Variants in YKT6 observed in about 807,000 individuals in gnomAD.
YKT6 encodes the protein synaptobrevin homolog YKT6.
YKT6 carries 12 observed loss-of-function variants against 29.3 expected under a neutral mutation model. That is an observed-to-expected ratio of 0.41 (90% CI 0.26 to 0.66). The LOEUF (loss-of-function observed/expected upper bound fraction) is 0.66. YKT6 is among the 30% of genes least tolerant of loss of function. YKT6 has a pLI of 0.32. For synonymous variants in YKT6, 86 were observed against 94.3 expected (o/e 0.91, Z 0.51); for missense variants, 188 against 243.8 (o/e 0.77, Z 1.52).
chr7:44,206,561 C>A, intron 3 of YKT6, 76 bp downstream of exon 3: 2 of 1,289,136 alleles, frequency 1.6e-6, no homozygotes, highest in Non-Finnish European at 2.3e-6. Context: ...GGGTTGATGG[C>A]AGTCCCTGAG....
At position 44,201,214 on chromosome 7, in the gene YKT6, T is replaced by G. The variant is rs776602646; in HGVS notation, c.79T>G (p.Ser27Ala). Reference sequence around the variant, plus strand: ...GCTCAAAGCCGCATACGATGTGTCTTCCTTCAGCTTTTTCCAGAGATCCAG... The same window carrying G: ...GCTCAAAGCCGCATACGATGTGTCTGCCTTCAGCTTTTTCCAGAGATCCAG... The part of the protein sequence containing the change: ...VLLKAAYDVS[S>A]FSFFQRSSVQ... The change falls in exon 1 of 7, where the codon TCC becomes GCC. Residue 27 changes from serine to alanine, a missense_variant. By Grantham distance (99) the Ser-to-Ala change is moderately conservative. Transcript: ENST00000223369. The G allele has an allele frequency of 3.1e-6, 5 of 1,612,758 alleles. No homozygotes were observed. In the African/African-American group the frequency reaches 6.7e-5, roughly 22 times the overall value.
At chr7:44,210,688 AC>A in intron 5 of YKT6, 1 of 387,224 alleles carries the variant, frequency 2.6e-6, no homozygotes, top group Non-Finnish European at 5.1e-6. Flanking sequence ...GTGCACACAC[AC>A]ACACACACAC....
intron 5 of YKT6, chr7:44,210,637 G>T: frequency 2.8e-6 from 1 of 358,858 alleles, no homozygotes; most frequent in Non-Finnish European, 5.4e-6. Context: ...ATAGTGCCCA[G>T]CTACTCTTTT....
At chr7:44,212,129 G>A (rs1479474089) in intron 6 of YKT6, 118 bp from the exon 7 acceptor site, 3 of 1,227,914 alleles carry the variant, frequency 2.4e-6, no homozygotes, top group African/African-American at 1.5e-5. Flanking sequence ...CCCTGTTCTA[G>A]TGCTAGTTTC....
Position 44,201,017 on chromosome 7 carries a change from T to G in YKT6, c.-119T>G. ...GAGGAGGAAGCCGGCGGTGGCCCCG[T>G]CAGCAGCCGGCTGCTGAGAGGCCGG... On this transcript the variant is annotated 5_prime_UTR_variant, in exon 1 of 7. Transcript: ENST00000223369. 1 of 770,862 alleles carries G rather than the reference T, an allele frequency of 1.3e-6. No individual in the cohort carries two copies. The highest frequency in any genetic ancestry group is 2.0e-6 in the Non-Finnish European group (1 of 509,766). The allele number at this position is 770,862 out of a possible 1,614,324, so 47.8% of individuals were successfully genotyped here.
chr7:44,204,131 A>G (rs1460364784), intron 1 of YKT6, among the ~76,000 whole-genome samples: 13 of 152,234 alleles, frequency 8.5e-5, no homozygotes, highest in Non-Finnish European at 1.0e-4. Context: ...TGTCATGTGG[A>G]CACAGCCATA....
intron 5 of YKT6, chr7:44,208,522 T>G: frequency 3.0e-6 from 1 of 328,496 alleles, no homozygotes; most frequent in South Asian, 3.0e-5. Flanking sequence ...ATTCCCACCC[T>G]GGTGCCTTTG....
In YKT6 at chr7:44,212,227, C is replaced by A; in HGVS notation, c.562-20C>A. 3.1e-6 allele frequency: 5 copies of A among 1,614,082 alleles called. No individual in the cohort carries two copies. The highest frequency in any genetic ancestry group is 8.5e-7 in the Non-Finnish European group (1 of 1,180,018). ...ACTTCGTCAGTCCTCCTTCTCAGCT[C>A]CTCTTTGTTTTTTTCCAAGGCCCGG... On this transcript the variant is annotated intron_variant, in intron 6 of 6. Transcript: ENST00000223369.
Position 44,208,192 on chromosome 7 carries a change from C to T in YKT6, c.453C>T (p.Ile151=), listed in dbSNP as rs781442140. 6.2e-7 allele frequency: 1 copy of T among 1,613,978 alleles called. No homozygotes were observed. Among genetic ancestry groups the T allele is most frequent in the East Asian group, 2.2e-5 (1 of 44,884 alleles). Residue 151 remains isoleucine (I), a synonymous_variant, in exon 5 of 7, where the codon ATC becomes ATT. Transcript: ENST00000223369. ...AGGCCGAACTAGATGAGACCAAAAT[C>T]ATTCTGGTAAGCAGGAAGATGGAGA... is the stretch of plus-strand genomic sequence containing the variant. The part of the protein sequence containing the change: ...KVQAELDETK[I]ILHNTMESLL...
intron 3 of YKT6, 136 bp from the exon 4 acceptor site, chr7:44,207,252 C>T: frequency 1.7e-6 from 1 of 586,338 alleles, no homozygotes; most frequent in Non-Finnish European, 3.0e-6. Flanking sequence ...ATTATATGTC[C>T]CCCTCATTCC....
intron 6 of YKT6, chr7:44,211,634 T>C (rs1012656611): frequency 1.0e-6 from 1 of 1,000,170 alleles, no homozygotes; most frequent in African/African-American, 1.7e-5. Context: ...TATGTGGAGA[T>C]GGCACTGTTG....
intron 5 of YKT6, 167 bp from the exon 6 acceptor site, chr7:44,210,856 A>G (rs1307167802): frequency 1.4e-6 from 1 of 690,516 alleles, no homozygotes; most frequent in Admixed American, 2.1e-5. Flanking sequence ...TGTTCCATCC[A>G]CTTGGACAGT....
At chr7:44,203,527 T>C (rs1270155007) in intron 1 of YKT6, among the ~76,000 whole-genome samples, 1 of 152,252 alleles carries the variant, frequency 6.6e-6, no homozygotes, top group East Asian at 1.9e-4. Flanking sequence ...AGTTCTTCCT[T>C]TGTCTCTTTA....
rs141044177 is a variant in YKT6 at position 44,201,160 on chromosome 7, C to T, written c.25C>T (p.Leu9Phe). 1.6e-4 allele frequency: 251 copies of T among 1,610,470 alleles called. 2 individuals are homozygous for T. The African/African-American group carries it at 2.3e-3, about 15-fold the overall frequency. ...CATGAAGCTGTACAGCCTCAGCGTC[C>T]TCTACAAAGGCGAGGCCAAGGTGGT... The part of the protein sequence containing the change: MKLYSLSV[L>F]YKGEAKVVLL... The change falls in exon 1 of 7, where the codon CTC becomes TTC. Residue 9 changes from leucine (L) to phenylalanine (F), a missense_variant. Coordinates refer to ENST00000223369, the MANE Select transcript of YKT6 (RefSeq NM_006555.4).
chr7:44,207,241 C>T, intron 3 of YKT6, 147 bp from the exon 4 acceptor site: 1 of 552,152 alleles, frequency 1.8e-6, no homozygotes, highest in Non-Finnish European at 3.2e-6. Flanking sequence ...TCTCTGTTGC[C>T]ATTATATGTC....
At chr7:44,210,569 G>A (rs1299453100) in intron 5 of YKT6, 7 of 257,592 alleles carry the variant, frequency 2.7e-5, no homozygotes, top group Non-Finnish European at 2.3e-5. Flanking sequence ...TTAATTTCTG[G>A]GATGCGGTTG....
In YKT6 at chr7:44,211,008, T is replaced by C. The variant is rs769225599; in HGVS notation, c.460-15T>C. The C allele has an allele frequency of 3.1e-6, 5 of 1,613,608 alleles. No homozygotes were observed. Among genetic ancestry groups the C allele is most frequent in the Non-Finnish European group, 4.2e-6 (5 of 1,179,794 alleles). On this transcript the variant is annotated splice_polypyrimidine_tract_variant and intron_variant, in intron 5 of 6. Coordinates refer to ENST00000223369, the MANE Select transcript of YKT6 (RefSeq NM_006555.4). The stretch of plus-strand genomic sequence containing the variant: ...GTACTGAACAGAGCTGGATTCTCTT[T>C]TCTTTTTTGTCCAGCACAACACCAT...
intron 2 of YKT6, among the ~76,000 whole-genome samples, chr7:44,204,888 TG>T (rs1175126007): frequency 1.3e-5 from 2 of 152,234 alleles, no homozygotes; most frequent in African/African-American, 4.8e-5. Context: ...CTGACTCTTT[TG>T]GAGCAGTAAG....
At position 44,211,028 on chromosome 7, in the gene YKT6, C is replaced by T. The variant is rs766235640; in HGVS notation, c.465C>T (p.Asn155=). 3.7e-5 allele frequency: 60 copies of T among 1,613,890 alleles called. No individual in the cohort carries two copies. The highest frequency in any genetic ancestry group is 4.9e-5 in the Non-Finnish European group (58 of 1,179,998). Residue 155 remains asparagine, a synonymous_variant, in exon 6 of 7, where the codon AAC becomes AAT. Coordinates refer to ENST00000223369, the MANE Select transcript of YKT6 (RefSeq NM_006555.4). Reference sequence around the variant, plus strand: ...CTCTTTTCTTTTTTGTCCAGCACAACACCATGGAGTCTCTGTTAGAGCGAG... The same window carrying T: ...CTCTTTTCTTTTTTGTCCAGCACAATACCATGGAGTCTCTGTTAGAGCGAG... ...ELDETKIILH[N]TMESLLERGE...
Sources: gnomAD v4.1 joint callset for allele counts (sites outside exome capture counted in the v4.1 genomes callset) on GRCh38, gnomAD v4.1.1 for gene constraint, MANE v1.5 for transcripts, NCBI Gene and HGNC (gene_info 2026-07-23, HGNC 2026-07-21) for gene names.